Variants in FAM161A observed in about 807,000 individuals in gnomAD.
The protein encoded by FAM161A is FAM161 centrosomal protein A.
FAM161A carries 57 observed loss-of-function variants against 70.9 expected under a neutral mutation model. That is an observed-to-expected ratio of 0.80 (90% CI 0.65 to 1.00). The LOEUF is 1.00. FAM161A is among the 50% of genes least tolerant of loss of function. The pLI, the probability that FAM161A is intolerant of heterozygous loss-of-function variation, is 0.00. For synonymous variants in FAM161A, 299 were observed against 295.7 expected (o/e 1.01, Z -0.12); for missense variants, 880 against 836.0 (o/e 1.05, Z -0.65).
At chr2:61,835,139 A>G (rs774741712) in intron 5 of FAM161A, among the ~76,000 whole-genome samples, 1 of 152,224 alleles carries the variant, frequency 6.6e-6, no homozygotes, top group Non-Finnish European at 1.5e-5. Context: ...GTCACTGGCA[A>G]GTACAGTTCT....
At chr2:61,841,561 CAGCTAGTCTCTA>C (rs780311835) in intron 2 of FAM161A, among the ~76,000 whole-genome samples, 1 of 152,138 alleles carries the variant, frequency 6.6e-6, no homozygotes, top group Non-Finnish European at 1.5e-5. Context: ...TTTTGGTTCT[CAGCTAGTCTCTA>C]AGCTCCTTGA....
At chr2:61,834,015 C>G (rs1672679089) in intron 5 of FAM161A, among the ~76,000 whole-genome samples, 1 of 152,006 alleles carries the variant, frequency 6.6e-6, no homozygotes, top group Non-Finnish European at 1.5e-5. Flanking sequence ...AGAGTGAAAC[C>G]CTGTCTCTAA....
chr2:61,853,779 A>T (rs772108081), intron 1 of FAM161A, 80 bp downstream of exon 1: 15 of 1,536,964 alleles, frequency 9.8e-6, no homozygotes, highest in Non-Finnish European at 1.2e-5. Context: ...GCCTGCCCTC[A>T]GCTGGGCGGG....
chr2:61,822,363 T>C (rs945587962), downstream of FAM161A, among the ~76,000 whole-genome samples: 1 of 152,118 alleles, frequency 6.6e-6, no homozygotes, highest in Non-Finnish European at 1.5e-5. Flanking sequence ...ACATCAGGAC[T>C]ACATATAAGT....
intron 1 of FAM161A, among the ~76,000 whole-genome samples, chr2:61,843,916 G>A (rs536414117): frequency 5.5e-4 from 83 of 152,230 alleles, no homozygotes; most frequent in Non-Finnish European, 1.0e-3. Flanking sequence ...GGCCGAGGCA[G>A]GTGGATCACG....
At chr2:61,808,417 C>T in the FAM161A span, among the ~76,000 whole-genome samples, 10 of 152,074 alleles carry the variant, frequency 6.6e-5, no homozygotes, top group East Asian at 1.9e-4. Context: ...GGGCTACAGG[C>T]GCCTGCCACC....
chr2:61,823,796 T>C (rs900590582), downstream of FAM161A, among the ~76,000 whole-genome samples: 1 of 151,962 alleles, frequency 6.6e-6, no homozygotes, highest in East Asian at 1.9e-4. Flanking sequence ...CCCAGTAATA[T>C]TATGAAAGAA....
intron 5 of FAM161A, 34 bp downstream of exon 5, chr2:61,835,974 AAC>A: frequency 7.7e-6 from 11 of 1,430,142 alleles, no homozygotes; most frequent in South Asian, 1.2e-5. Flanking sequence ...AAAAAAAAAA[AAC>A]TGACGATAGC....
At chr2:61,810,941 G>A in the FAM161A span, among the ~76,000 whole-genome samples, 1 of 152,150 alleles carries the variant, frequency 6.6e-6, no homozygotes, top group South Asian at 2.1e-4. Flanking sequence ...GAGGATGCAG[G>A]ACAGGACATC....
At position 61,839,866 on chromosome 2, in the gene FAM161A, G is replaced by A. The variant is rs764845483; in HGVS notation, c.1138C>T (p.Arg380Ter). 5 of 1,614,196 alleles carry A rather than the reference G, an allele frequency of 3.1e-6. No homozygotes were observed. Among genetic ancestry groups the A allele is most frequent in the Admixed American group, 1.7e-5 (1 of 60,018 alleles). Reference protein sequence around the residue: ...NDKLKEEELYRNLRTQLRAQE... With the variant: ...NDKLKEEELY ...GCTCTCAGCTGTGTCCTAAGGTTTC[G>A]ATAGAGCTCTTCTTCTTTTAACTTG... The change falls in exon 3 of 7, where the codon CGA becomes TGA. Residue 380 changes from arginine (R) to a stop codon, truncating the protein, a stop_gained. Transcript: ENST00000404929. LOFTEE classifies it high-confidence loss of function.
At chr2:61,842,461 AG>A in intron 1 of FAM161A, 101 bp from the exon 2 acceptor site, 2 of 692,642 alleles carry the variant, frequency 2.9e-6, no homozygotes, top group South Asian at 3.7e-5. Flanking sequence ...CCACCTAGTT[AG>A]GTTATACATT....
intron 1 of FAM161A, among the ~76,000 whole-genome samples, chr2:61,851,160 C>T (rs1673484039): frequency 6.6e-6 from 1 of 152,052 alleles, no homozygotes; most frequent in Non-Finnish European, 1.5e-5. Context: ...AGATGTGAGC[C>T]ACCGCGCCCG....
intron 1 of FAM161A, among the ~76,000 whole-genome samples, chr2:61,843,056 T>A (rs1310967030): frequency 2.6e-5 from 4 of 152,220 alleles, no homozygotes; most frequent in African/African-American, 9.6e-5. Context: ...GAAAAAATGC[T>A]GTAATTATTC....
rs144711324 is a variant in FAM161A, at chr2:61,828,253, T to C, written c.1852-995A>G. ...TATTTTTTATATTGTACCTAGGTTT[T>C]ATATACTTTTATGACTGTATAAAGA... On this transcript the variant is annotated intron_variant, in intron 5 of 6. Transcript: ENST00000404929. 7.1e-3 allele frequency among the ~76,000 whole-genome samples: 1,067 copies of C among 151,190 alleles called. 13 individuals carry two copies. The highest frequency in any genetic ancestry group is 0.024 in the African/African-American group (1,005 of 41,226).
the FAM161A span, among the ~76,000 whole-genome samples, chr2:61,800,799 A>G: frequency 5.3e-5 from 8 of 152,262 alleles, no homozygotes; most frequent in South Asian, 1.7e-3. Flanking sequence ...CTCATTATAA[A>G]TCTGATATTT....
the FAM161A span, among the ~76,000 whole-genome samples, chr2:61,805,936 A>C: frequency 6.6e-6 from 1 of 152,158 alleles, no homozygotes; most frequent in Non-Finnish European, 1.5e-5. Context: ...ACCTGTTCTC[A>C]GCCAGATGTG....
At chr2:61,823,204 G>T (rs915500228), downstream of FAM161A, among the ~76,000 whole-genome samples, 1 of 150,916 alleles carries the variant, frequency 6.6e-6, no homozygotes, top group East Asian at 2.0e-4. Context: ...GTGGTGGCAG[G>T]CACCTGTAAT....
intron 1 of FAM161A, among the ~76,000 whole-genome samples, chr2:61,842,734 G>A (rs1303679315): frequency 2.0e-5 from 3 of 152,298 alleles, no homozygotes; most frequent in South Asian, 2.1e-4. Flanking sequence ...AGAGGAACAC[G>A]GTTCTACCTG....
At chr2:61,807,366 T>C in the FAM161A span, among the ~76,000 whole-genome samples, 6 of 152,018 alleles carry the variant, frequency 3.9e-5, no homozygotes, top group African/African-American at 1.4e-4. Flanking sequence ...ATTTTTTGTT[T>C]AAGTATTTAT....
Sources: allele counts gnomAD v4.1 joint callset (sites outside exome capture counted in the v4.1 genomes callset), GRCh38; gene constraint gnomAD v4.1.1; transcripts MANE v1.5; gene names NCBI Gene and HGNC (gene_info 2026-07-23, HGNC 2026-07-21).